The following GMDS variants were observed in gnomAD, a reference collection of about 807,000 sequenced individuals.
The protein encoded by GMDS is GDP-mannose 4,6 dehydratase.
Under a neutral mutation model 49.9 loss-of-function variants are expected in GMDS, and 20 were observed. The observed-to-expected ratio is 0.40, with a 90% CI of 0.28 to 0.58. The LOEUF is 0.58. Ranked by LOEUF, GMDS falls within the 20% of genes least tolerant of loss-of-function variation. GMDS has a pLI of 0.42. For synonymous variants in GMDS, 177 were observed against 178.6 expected (o/e 0.99, Z 0.07); for missense variants, 362 against 481.4 (o/e 0.75, Z 2.32).
intron 1 of GMDS, among the ~76,000 whole-genome samples, chr6:2,180,843 T>C (rs1561636648): frequency 1.3e-5 from 2 of 152,116 alleles, no homozygotes; most frequent in Non-Finnish European, 2.9e-5. Flanking sequence ...GTATTTCCTC[T>C]CCAAGTCATT....
intron 9 of GMDS, among the ~76,000 whole-genome samples, chr6:1,683,981 C>T (rs1464046815): frequency 6.0e-5 from 4 of 66,208 alleles, no homozygotes; most frequent in South Asian, 4.2e-4. Flanking sequence ...GGCCTGGATC[C>T]GCCCTCTATC....
At chr6:1,704,793 G>C (rs964156138) in intron 9 of GMDS, among the ~76,000 whole-genome samples, 11 of 150,774 alleles carry the variant, frequency 7.3e-5, no homozygotes, top group African/African-American at 2.4e-4. Context: ...CTTGCTTTGT[G>C]GATTAATATT....
At chr6:2,189,897 C>A (rs1233732122) in intron 1 of GMDS, among the ~76,000 whole-genome samples, 1 of 140,886 alleles carries the variant, frequency 7.1e-6, no homozygotes, top group East Asian at 2.2e-4. Flanking sequence ...TCCAGGACTA[C>A]TGGGTTGGTA....
At chr6:1,923,233 A>C (rs1689930175) in intron 7 of GMDS, among the ~76,000 whole-genome samples, 1 of 152,132 alleles carries the variant, frequency 6.6e-6, no homozygotes, top group Admixed American at 6.5e-5. Context: ...TCAAGTGTCC[A>C]CACTACCTCA....
chr6:2,112,117 A>T (rs538018479), intron 4 of GMDS, among the ~76,000 whole-genome samples: 1 of 152,240 alleles, frequency 6.6e-6, no homozygotes, highest in African/African-American at 2.4e-5. Flanking sequence ...TTCGAAGGAC[A>T]TTCTAAGAGG....
chr6:2,057,221 T>C (rs764903630), intron 4 of GMDS, among the ~76,000 whole-genome samples: 23 of 152,196 alleles, frequency 1.5e-4, no homozygotes, highest in African/African-American at 2.7e-4. Context: ...GTGATGTTCT[T>C]CTGTGTTTAT....
At chr6:1,652,370 T>TAA (rs200271939) in intron 9 of GMDS, among the ~76,000 whole-genome samples, 2 of 12,000 alleles carry the variant, frequency 1.7e-4, no homozygotes, top group South Asian at 2.1e-3. Context: ...GAAACTCCGC[T>TAA]AAAAAAAAAA....
chr6:1,953,142 G>C (rs1249569584), intron 6 of GMDS, among the ~76,000 whole-genome samples: 1 of 152,132 alleles, frequency 6.6e-6, no homozygotes, highest in African/African-American at 2.4e-5. Flanking sequence ...TGAGAGGCAG[G>C]CCTGCCAACA....
intron 4 of GMDS, among the ~76,000 whole-genome samples, chr6:1,965,511 G>A (rs2031227): frequency 0.61 from 92,695 of 151,996 alleles, 28,343 homozygotes; most frequent in East Asian, 0.65. Flanking sequence ...GTACATTGTG[G>A]CTGATCAATT....
chr6:1,717,856 G>A (rs1469009428), intron 9 of GMDS, among the ~76,000 whole-genome samples: 2 of 152,116 alleles, frequency 1.3e-5, no homozygotes, highest in Non-Finnish European at 2.9e-5. Flanking sequence ...ATTTGAAAAT[G>A]CTTTGCAACC....
chr6:2,012,221 C>T (rs750523576), intron 4 of GMDS, among the ~76,000 whole-genome samples: 24 of 152,076 alleles, frequency 1.6e-4, no homozygotes, highest in Middle Eastern at 3.4e-3. Flanking sequence ...AATATATCCA[C>T]GGATCCAAAC....
chr6:1,868,034 T>G (rs1434302943), intron 7 of GMDS, among the ~76,000 whole-genome samples: 2 of 151,954 alleles, frequency 1.3e-5, no homozygotes, highest in Non-Finnish European at 2.9e-5. Context: ...TCACCCAGGC[T>G]GGAGTGCAGT....
intron 1 of GMDS, among the ~76,000 whole-genome samples, chr6:2,167,567 T>C (rs74347823): frequency 0.041 from 6,180 of 152,220 alleles, 253 homozygotes; most frequent in South Asian, 0.13. Context: ...TAAACCTTAA[T>C]TCTACCAGAA....
intron 4 of GMDS, among the ~76,000 whole-genome samples, chr6:1,999,180 G>A (rs1766492612): frequency 6.6e-6 from 1 of 151,960 alleles, no homozygotes; most frequent in Admixed American, 6.6e-5. Context: ...AAATTAGCAG[G>A]GCGTGGTGGT....
At chr6:1,941,211 G>A (rs965624584) in intron 6 of GMDS, among the ~76,000 whole-genome samples, 1 of 152,120 alleles carries the variant, frequency 6.6e-6, no homozygotes, top group Non-Finnish European at 1.5e-5. Flanking sequence ...GAATCTATAA[G>A]CCTGGCCTTC....
At chr6:2,158,415 A>G (rs1777216772) in intron 1 of GMDS, among the ~76,000 whole-genome samples, 1 of 152,204 alleles carries the variant, frequency 6.6e-6, no homozygotes, top group Non-Finnish European at 1.5e-5. Context: ...TAAAGCATAA[A>G]TATGTGACAA....
intron 9 of GMDS, among the ~76,000 whole-genome samples, chr6:1,703,734 G>T (rs9503010): frequency 0.087 from 13,288 of 152,272 alleles, 909 homozygotes; most frequent in East Asian, 0.3. Flanking sequence ...GCCCAGGGCT[G>T]AGCTGCACTT....
At chr6:1,713,526 T>G (rs529906010) in intron 9 of GMDS, among the ~76,000 whole-genome samples, 9 of 150,330 alleles carry the variant, frequency 6.0e-5, no homozygotes, top group Non-Finnish European at 1.2e-4. Context: ...ATCCCCATCC[T>G]ACCTTTAGGA....
chr6:2,050,947 G>A (rs1035494241), intron 4 of GMDS, among the ~76,000 whole-genome samples: 5 of 152,036 alleles, frequency 3.3e-5, no homozygotes, highest in Non-Finnish European at 5.9e-5. Context: ...ATCACACACC[G>A]GAGCCTGTCA....
Sources: gnomAD v4.1 joint callset for allele counts (sites outside exome capture counted in the v4.1 genomes callset) on GRCh38, gnomAD v4.1.1 for gene constraint, MANE v1.5 for transcripts, NCBI Gene and HGNC (gene_info 2026-07-23, HGNC 2026-07-21) for gene names.